The following SOX5 variants were observed in gnomAD, a reference collection of about 807,000 sequenced individuals.
SOX5 encodes the protein SRY-box transcription factor 5.
In SOX5, 9 loss-of-function variants were observed where a neutral mutation model predicts 92.0. That is an observed-to-expected ratio of 0.10 (90% CI 0.06 to 0.17). The LOEUF is 0.17. SOX5 is among the 10% of genes least tolerant of loss of function. The probability of loss-of-function intolerance (pLI) is 1.00; values close to 1 mark genes in which losing one functional copy is unlikely to be tolerated. For missense variants in SOX5, 642 were observed against 944.5 expected (o/e 0.68, Z 4.20); for synonymous variants, 344 against 336.3 (o/e 1.02, Z -0.25).
chr12:23,723,329 G>A (rs1041813530), intron 6 of SOX5, among the ~76,000 whole-genome samples: 2 of 150,662 alleles, frequency 1.3e-5, no homozygotes, highest in African/African-American at 4.9e-5. Flanking sequence ...TTTATTCAAC[G>A]AAAACATAAA....
At chr12:24,475,338 G>T (rs1945246397) in intron 1 of SOX5, among the ~76,000 whole-genome samples, 1 of 152,138 alleles carries the variant, frequency 6.6e-6, no homozygotes, top group Admixed American at 6.6e-5. Flanking sequence ...ACAAAACATG[G>T]TTCAAGTCTC....
chr12:24,426,401 T>C (rs1476256909), intron 1 of SOX5, among the ~76,000 whole-genome samples: 1 of 152,172 alleles, frequency 6.6e-6, no homozygotes, highest in Non-Finnish European at 1.5e-5. Flanking sequence ...ATGGCACATG[T>C]ATGTATACCT....
chr12:24,198,528 G>A (rs867499356), intron 4 of SOX5, among the ~76,000 whole-genome samples: 2 of 152,176 alleles, frequency 1.3e-5, no homozygotes, highest in Admixed American at 6.5e-5. Flanking sequence ...CAGGGTATGT[G>A]TCACGTCTAC....
intron 1 of SOX5, among the ~76,000 whole-genome samples, chr12:24,439,223 G>A (rs1489245434): frequency 3.9e-5 from 6 of 152,182 alleles, no homozygotes; most frequent in Admixed American, 6.5e-5. Flanking sequence ...AGGTATGTAC[G>A]TTCTTTATTT....
intron 1 of SOX5, among the ~76,000 whole-genome samples, chr12:23,917,758 CTGA>C (rs904850180): frequency 2.6e-5 from 4 of 152,112 alleles, no homozygotes; most frequent in African/African-American, 7.2e-5. Context: ...CCTCTTACTG[CTGA>C]TATTTTACTC....
chr12:24,146,737 GAAA>G (rs71059979), intron 4 of SOX5, among the ~76,000 whole-genome samples: 3 of 119,430 alleles, frequency 2.5e-5, no homozygotes, highest in Non-Finnish European at 1.8e-5. Context: ...TGGTCAGGAG[GAAA>G]AAAAAAAAAA....
At chr12:24,337,661 C>G (rs1424523594) in intron 2 of SOX5, among the ~76,000 whole-genome samples, 1 of 152,042 alleles carries the variant, frequency 6.6e-6, no homozygotes, top group Non-Finnish European at 1.5e-5. Context: ...ATTTTTTTGC[C>G]TCTTTTAAGT....
chr12:24,094,213 C>T (rs1945036342), intron 4 of SOX5, among the ~76,000 whole-genome samples: 1 of 152,186 alleles, frequency 6.6e-6, no homozygotes, highest in African/African-American at 2.4e-5. Flanking sequence ...TACCAAACTG[C>T]TGGGATTACA....
At chr12:24,203,588 C>T (rs928475049) in intron 4 of SOX5, among the ~76,000 whole-genome samples, 14 of 152,316 alleles carry the variant, frequency 9.2e-5, no homozygotes, top group Non-Finnish European at 1.9e-4. Context: ...AGGCTTCATT[C>T]TAGCCCTCTT....
Position 24,516,028 on chromosome 12 carries a change from AT to A in SOX5, c.-251+46300del, listed in dbSNP as rs750706033. Among the ~76,000 whole-genome samples, 196 of 147,772 alleles carry A rather than the reference AT, an allele frequency of 1.3e-3. 1 individual carries two copies. In the Middle Eastern group the frequency reaches 0.014, roughly 10 times the overall value. On this transcript the variant is annotated intron_variant, in intron 1 of 4. Transcript: ENST00000446891. ...GAGTAGTTTTTTCTTGGCTATGGCA[AT>A]TTTTTTTCTTTTCCTTTTTTTTTTT...
Position 23,896,176 on chromosome 12 carries a change from T to A in SOX5, c.39-152A>T, listed in dbSNP as rs550143678. The A allele has an allele frequency of 2.3e-5, 14 of 620,702 alleles. No individual in the cohort carries two copies. In the East Asian group the frequency reaches 3.8e-4, roughly 17 times the overall value. The allele number at this position is 620,702 out of a possible 1,614,324, so 38.4% of individuals were successfully genotyped here. On this transcript the variant is annotated intron_variant, in intron 1 of 14. Coordinates refer to ENST00000451604, the MANE Select transcript of SOX5 (RefSeq NM_006940.6). Reference sequence around the variant, plus strand: ...AAATACCACTGCAAAGCACACACAATCAGAAACAATGGCCAAGCAGGTAGC... The same window carrying A: ...AAATACCACTGCAAAGCACACACAAACAGAAACAATGGCCAAGCAGGTAGC...
intron 4 of SOX5, among the ~76,000 whole-genome samples, chr12:24,140,290 T>C (rs141411183): frequency 1.3e-5 from 2 of 152,218 alleles, no homozygotes; most frequent in Non-Finnish European, 2.9e-5. Flanking sequence ...GGAAGTGATG[T>C]TCAGAAAAAA....
intron 3 of SOX5, among the ~76,000 whole-genome samples, chr12:24,224,296 C>G (rs1228757173): frequency 1.3e-5 from 2 of 152,028 alleles, no homozygotes; most frequent in Non-Finnish European, 2.9e-5. Flanking sequence ...AGCTAAGTCT[C>G]CATTTAGAAT....
intron 3 of SOX5, among the ~76,000 whole-genome samples, chr12:24,233,761 G>A (rs1266512739): frequency 6.6e-6 from 1 of 152,174 alleles, no homozygotes; most frequent in African/African-American, 2.4e-5. Flanking sequence ...GCCAGCACAA[G>A]GAAGACCTAT....
intron 8 of SOX5, among the ~76,000 whole-genome samples, chr12:23,621,006 G>A (rs1479443): frequency 0.16 from 24,604 of 151,954 alleles, 2,588 homozygotes; most frequent in Admixed American, 0.25. Flanking sequence ...TTCATTATTT[G>A]TCACATAGTT....
intron 1 of SOX5, among the ~76,000 whole-genome samples, chr12:24,538,094 G>A (rs1951798069): frequency 6.6e-6 from 1 of 152,160 alleles, no homozygotes; most frequent in Non-Finnish European, 1.5e-5. Flanking sequence ...AGCATACACT[G>A]CCCTAAATTA....
chr12:24,556,065 G>A (rs1375294972), intron 1 of SOX5, among the ~76,000 whole-genome samples: 1 of 152,126 alleles, frequency 6.6e-6, no homozygotes, highest in Non-Finnish European at 1.5e-5. Flanking sequence ...TTCATAGGCT[G>A]CACTATAGTC....
At chr12:24,185,226 C>A (rs1594049053) in intron 4 of SOX5, among the ~76,000 whole-genome samples, 1 of 152,078 alleles carries the variant, frequency 6.6e-6, no homozygotes, top group African/African-American at 2.4e-5. Flanking sequence ...ACAAACTAAA[C>A]ATACCCTTGA....
intron 1 of SOX5, among the ~76,000 whole-genome samples, chr12:24,402,870 T>C (rs546299093): frequency 3.9e-5 from 6 of 152,366 alleles, no homozygotes; most frequent in African/African-American, 1.4e-4. Context: ...TTGGTTTATC[T>C]GGCTCCTTAT....
Sources: gnomAD v4.1 joint callset for allele counts (sites outside exome capture counted in the v4.1 genomes callset) on GRCh38, gnomAD v4.1.1 for gene constraint, MANE v1.5 for transcripts, NCBI Gene and HGNC (gene_info 2026-07-23, HGNC 2026-07-21) for gene names.